CHRNA7: variants seen among roughly 807,000 people sequenced by gnomAD.
CHRNA7 encodes cholinergic receptor nicotinic alpha 7 subunit, also known as neuronal acetylcholine receptor subunit alpha-7.
CHRNA7 carries 17 observed loss-of-function variants against 48.0 expected under a neutral mutation model. The observed-to-expected ratio is 0.35, with a 90% confidence interval of 0.24 to 0.53. The LOEUF (loss-of-function observed/expected upper bound fraction) is 0.53. Ranked by LOEUF, CHRNA7 falls within the 20% of genes least tolerant of loss-of-function variation. The probability of loss-of-function intolerance (pLI) is 0.92; values close to 1 mark genes in which losing one functional copy is unlikely to be tolerated. For missense variants in CHRNA7, 155 were observed against 577.7 expected (o/e 0.27, Z 7.50); for synonymous variants, 75 against 242.3 (o/e 0.31, Z 6.41).
chr15:32,059,881 C>A (rs1199515082), intron 2 of CHRNA7, among the ~76,000 whole-genome samples: 1 of 127,306 alleles, frequency 7.9e-6, no homozygotes, highest in African/African-American at 3.0e-5. Flanking sequence ...AGGGCTATAA[C>A]GCCCAAGCTC....
intron 4 of CHRNA7, among the ~76,000 whole-genome samples, chr15:32,125,268 G>T (rs933594574): frequency 2.6e-5 from 4 of 152,230 alleles, no homozygotes; most frequent in African/African-American, 9.6e-5. Context: ...TTACACTCAT[G>T]ATGATAACCA....
At position 32,107,537 on chromosome 15, in the gene CHRNA7, G is replaced by A. The variant is rs896062514; in HGVS notation, c.241-4253G>A. 3.6e-4 allele frequency among the ~76,000 whole-genome samples: 55 copies of A among 151,996 alleles called. 1 individual carries two copies. Among genetic ancestry groups the A allele is most frequent in the African/African-American group, 1.3e-3 (54 of 41,476 alleles). The stretch of plus-strand genomic sequence containing the variant: ...GGAGAAAAGATTACATGGATTCAGA[G>A]TTTCAGAACAGGAATTCAGCAACAT... On this transcript the variant is annotated intron_variant, in intron 3 of 9. Transcript: ENST00000306901.
chr15:32,114,818 G>T (rs542424876), intron 4 of CHRNA7, among the ~76,000 whole-genome samples: 2 of 152,222 alleles, frequency 1.3e-5, no homozygotes, highest in African/African-American at 4.8e-5. Context: ...CATGTGGCTG[G>T]TTGTCTCTTT....
intron 2 of CHRNA7, among the ~76,000 whole-genome samples, chr15:32,069,834 A>G (rs1430315696): frequency 6.6e-6 from 1 of 152,156 alleles, no homozygotes; most frequent in Non-Finnish European, 1.5e-5. Flanking sequence ...AGCTTCCTGA[A>G]TTGTCTGTTG....
intron 2 of CHRNA7, among the ~76,000 whole-genome samples, chr15:32,078,008 T>C (rs1298535742): frequency 6.6e-6 from 1 of 152,138 alleles, no homozygotes; most frequent in Non-Finnish European, 1.5e-5. Flanking sequence ...ATTTTCCATA[T>C]GAGATTTGGA....
At chr15:32,052,065 A>G (rs1242359448) in intron 2 of CHRNA7, among the ~76,000 whole-genome samples, 1 of 152,180 alleles carries the variant, frequency 6.6e-6, no homozygotes, top group Non-Finnish European at 1.5e-5. Context: ...CTTAAGCATT[A>G]TTAAATAATC....
chr15:32,092,988 G>T (rs2050407666), intron 2 of CHRNA7, among the ~76,000 whole-genome samples: 1 of 152,226 alleles, frequency 6.6e-6, no homozygotes, highest in South Asian at 2.1e-4. Context: ...TGGGAGTCTG[G>T]CTGTGTGTAT....
At chr15:32,045,843 A>G (rs1184083316) in intron 2 of CHRNA7, among the ~76,000 whole-genome samples, 2 of 106,530 alleles carry the variant, frequency 1.9e-5, no homozygotes, top group African/African-American at 3.7e-5. Flanking sequence ...AACAGTCCCC[A>G]GAGTGTGATG....
At chr15:32,106,533 C>A (rs534996126) in intron 3 of CHRNA7, among the ~76,000 whole-genome samples, 36 of 152,302 alleles carry the variant, frequency 2.4e-4, no homozygotes, top group African/African-American at 8.2e-4. Flanking sequence ...GAGGAGGAAG[C>A]AGCTGGTTCC....
intron 4 of CHRNA7, among the ~76,000 whole-genome samples, chr15:32,118,438 T>C (rs2050910140): frequency 6.6e-6 from 1 of 152,194 alleles, no homozygotes; most frequent in South Asian, 2.1e-4. Context: ...TGTTACAGCT[T>C]CTGTATTAAT....
chr15:32,076,058 T>G (rs1388934795), intron 2 of CHRNA7, among the ~76,000 whole-genome samples: 2 of 152,300 alleles, frequency 1.3e-5, no homozygotes, highest in South Asian at 4.1e-4. Context: ...TTTCAGTTAT[T>G]CTACATTTTT....
chr15:32,149,901 A>G lies in CHRNA7; in HGVS notation c.351-4006A>G, dbSNP rs1300016574. On this transcript the variant is annotated intron_variant, in intron 4 of 9. Transcript: ENST00000306901. The surrounding 1 kb of genome is among the most constrained non-coding windows in gnomAD (Gnocchi z 4.6). ...TTTTTTTTTCAGAGTTGAATCACTGATCTAACAGATGCTCAGTCTTGATTA... is the reference window on the plus strand; with the variant it reads ...TTTTTTTTTCAGAGTTGAATCACTGGTCTAACAGATGCTCAGTCTTGATTA... Among the ~76,000 whole-genome samples the G allele has an allele frequency of 6.6e-6, 1 of 151,892 alleles. No homozygotes were observed. Among genetic ancestry groups the G allele is most frequent in the East Asian group, 1.9e-4 (1 of 5,194 alleles).
intron 2 of CHRNA7, among the ~76,000 whole-genome samples, chr15:32,095,197 C>A (rs879582976): frequency 6.6e-6 from 1 of 152,144 alleles, no homozygotes; most frequent in African/African-American, 2.4e-5. Flanking sequence ...GAGGTAGAGC[C>A]GAGCTCTGTA....
At chr15:32,093,425 T>TC (rs1335978441) in intron 2 of CHRNA7, among the ~76,000 whole-genome samples, 1 of 152,152 alleles carries the variant, frequency 6.6e-6, no homozygotes, top group Non-Finnish European at 1.5e-5. Flanking sequence ...ATGGGGCAGC[T>TC]CTGGGCATGG....
intron 2 of CHRNA7, among the ~76,000 whole-genome samples, chr15:32,053,330 A>G (rs1343553143): frequency 2.6e-5 from 4 of 152,226 alleles, no homozygotes; most frequent in African/African-American, 9.6e-5. Context: ...AGGAAGGCCA[A>G]CGAAAATCTC....
intron 2 of CHRNA7, among the ~76,000 whole-genome samples, chr15:32,079,932 G>A (rs2050190488): frequency 6.6e-6 from 1 of 152,112 alleles, no homozygotes; most frequent in Non-Finnish European, 1.5e-5. Context: ...AAAACAGGAT[G>A]GTACTGGCAC....
intron 2 of CHRNA7, among the ~76,000 whole-genome samples, chr15:32,077,242 A>G (rs747689921): frequency 6.6e-6 from 1 of 152,186 alleles, no homozygotes; most frequent in Non-Finnish European, 1.5e-5. Flanking sequence ...AATTATGAAT[A>G]AAGCTTCTAT....
intron 4 of CHRNA7, among the ~76,000 whole-genome samples, chr15:32,116,478 G>C (rs957374164): frequency 6.6e-6 from 1 of 152,240 alleles, no homozygotes; most frequent in African/African-American, 2.4e-5. Context: ...TCTGTCTGGT[G>C]CTGATCCCAG....
intron 2 of CHRNA7, among the ~76,000 whole-genome samples, chr15:32,077,592 T>C (rs1215156888): frequency 6.6e-6 from 1 of 152,206 alleles, no homozygotes; most frequent in African/African-American, 2.4e-5. Flanking sequence ...ATGTCTTCTT[T>C]GGTGAAGTAT....
Sources: gnomAD v4.1 joint callset for allele counts (sites outside exome capture counted in the v4.1 genomes callset) on GRCh38, gnomAD v4.1.1 for gene constraint, Gnocchi (gnomAD v3.1) non-coding constraint, MANE v1.5 for transcripts, NCBI Gene and HGNC (gene_info 2026-07-23, HGNC 2026-07-21) for gene names.